The following UTRN variants were observed in gnomAD, a reference collection of about 807,000 sequenced individuals.
UTRN encodes the protein dystrophin-related protein 1.
A neutral mutation model predicts 463.9 loss-of-function variants in UTRN; 283 were observed. The ratio of observed to expected loss-of-function variants is 0.61; its 90% CI spans 0.55 to 0.67. The LOEUF (loss-of-function observed/expected upper bound fraction) is 0.67. Ranked by LOEUF, UTRN falls within the 30% of genes least tolerant of loss-of-function variation. The pLI, the probability that UTRN is intolerant of heterozygous loss-of-function variation, is 0.00. For synonymous variants in UTRN, 1,442 were observed against 1,431.5 expected (o/e 1.01, Z -0.17); for missense variants, 3,922 against 4,084.3 (o/e 0.96, Z 1.08).
chr6:144,846,651 G>GT (rs527785991), intron 73 of UTRN, among the ~76,000 whole-genome samples, 154 bp from the exon 74 acceptor site: 59 of 151,598 alleles, frequency 3.9e-4, no homozygotes, highest in Non-Finnish European at 6.9e-4. Flanking sequence ...AAAAAAAAAT[G>GT]TGTTTCTTGT....
chr6:144,406,360 T>C (rs200378350), intron 3 of UTRN, among the ~76,000 whole-genome samples: 49 of 22,786 alleles, frequency 2.2e-3, no homozygotes, highest in East Asian at 0.021. Context: ...TCTTTTCTTT[T>C]TTTTTTTTTT....
intron 37 of UTRN, among the ~76,000 whole-genome samples, chr6:144,515,926 G>A (rs1795572333): frequency 6.6e-6 from 1 of 152,140 alleles, no homozygotes; most frequent in Admixed American, 6.5e-5. Flanking sequence ...CTGGATCATG[G>A]CCATAGTTTC....
intron 54 of UTRN, among the ~76,000 whole-genome samples, chr6:144,745,873 C>T (rs1334462728): frequency 1.3e-5 from 2 of 151,978 alleles, no homozygotes; most frequent in African/African-American, 2.4e-5. Context: ...TTAACAAACA[C>T]AGGTGTTTAA....
chr6:144,456,816 G>A (rs184178330), intron 19 of UTRN, among the ~76,000 whole-genome samples: 11 of 152,162 alleles, frequency 7.2e-5, no homozygotes, highest in Non-Finnish European at 1.5e-4. Flanking sequence ...TGGGCATCTG[G>A]ATAATGTGGC....
intron 51 of UTRN, among the ~76,000 whole-genome samples, chr6:144,635,505 T>G (rs1383051179): frequency 1.6e-5 from 1 of 60,716 alleles, no homozygotes; most frequent in African/African-American, 6.5e-5. Context: ...GCAGCTAGCC[T>G]TTTTTTTTCT....
At position 144,638,096 on chromosome 6, in the gene UTRN, TGTTA is replaced by T. The variant is rs1777373681; in HGVS notation, c.7480-40302_7480-40299del. ...ATTTAGGAAATTTTCTTTTCCAACA[TGTTA>T]GTTAGTTCTGAAATACCCCAAATGG... On this transcript the variant is annotated intron_variant, in intron 51 of 74. Transcript: ENST00000367545. 2.6e-5 allele frequency among the ~76,000 whole-genome samples: 4 copies of T among 152,320 alleles called. No individual in the cohort carries two copies. The South Asian group carries it at 8.3e-4, about 32-fold the overall frequency.
At chr6:144,455,942 T>C (rs550866951) in intron 19 of UTRN, among the ~76,000 whole-genome samples, 12 of 152,214 alleles carry the variant, frequency 7.9e-5, no homozygotes, top group Non-Finnish European at 1.6e-4. Flanking sequence ...CACTGGAGAA[T>C]AGTTGACATG....
intron 51 of UTRN, among the ~76,000 whole-genome samples, chr6:144,593,081 G>T (rs2128632723): frequency 6.6e-6 from 1 of 152,302 alleles, no homozygotes; most frequent in East Asian, 1.9e-4. Flanking sequence ...GGAGTAGATA[G>T]AATTTTAGTA....
intron 19 of UTRN, among the ~76,000 whole-genome samples, chr6:144,456,420 C>T (rs1204624856): frequency 3.3e-5 from 5 of 151,804 alleles, no homozygotes; most frequent in Non-Finnish European, 7.4e-5. Context: ...TTTGGGAGGC[C>T]GAGGTGGGTG....
chr6:144,289,991 TTCTG>T (rs1364860532), intron 1 of UTRN, among the ~76,000 whole-genome samples: 1 of 152,194 alleles, frequency 6.6e-6, no homozygotes, highest in Non-Finnish European at 1.5e-5. Context: ...TACTGCATTT[TTCTG>T]TCTGTCTGTG....
rs973427604 is a variant in UTRN, at chr6:144,557,238, G to C, written c.7216G>C (p.Gly2406Arg). 6.2e-7 allele frequency: 1 copy of C among 1,613,846 alleles called. No homozygotes were observed. The change falls in exon 50 of 75, where the codon GGG becomes CGG. Residue 2406 changes from glycine (G) to arginine (R), a missense_variant. Physicochemically the swap from Gly to Arg is moderately radical, Grantham distance 125. Coordinates refer to ENST00000367545, the MANE Select transcript of UTRN (RefSeq NM_007124.3). Reference sequence around the variant, plus strand: ...CCTGCAGAAACTCCTGGAGGAATATGGGAGTGATGACACAAGGAATGTGAA... The same window carrying C: ...CCTGCAGAAACTCCTGGAGGAATATCGGAGTGATGACACAAGGAATGTGAA... The part of the protein sequence containing the change: ...NVLQKLLEEY[G>R]SDDTRNVKET...
At chr6:144,778,452 C>G (rs1228034201) in intron 60 of UTRN, among the ~76,000 whole-genome samples, 2 of 151,854 alleles carry the variant, frequency 1.3e-5, no homozygotes, top group Non-Finnish European at 2.9e-5. Flanking sequence ...GGCAGGAGAT[C>G]AGCAGGAGAA....
chr6:144,337,183 ACACACACACAC>A (rs1776791798), intron 2 of UTRN, among the ~76,000 whole-genome samples: 4 of 123,938 alleles, frequency 3.2e-5, no homozygotes, highest in African/African-American at 1.8e-4. Context: ...ACACAGACAC[ACACACACACAC>A]CACACACACA....
intron 25 of UTRN, among the ~76,000 whole-genome samples, chr6:144,477,870 T>C (rs1013175604): frequency 3.2e-5 from 1 of 31,106 alleles, no homozygotes; most frequent in Non-Finnish European, 6.1e-5. Context: ...AGTTTGTATC[T>C]CTATCTATCT....
At chr6:144,413,735 A>G (rs1784118330) in intron 3 of UTRN, among the ~76,000 whole-genome samples, 1 of 152,198 alleles carries the variant, frequency 6.6e-6, no homozygotes, top group Non-Finnish European at 1.5e-5. Context: ...TACAGTACAT[A>G]ATACTTGGTA....
At chr6:144,428,940 T>C (rs750181003) in intron 8 of UTRN, 47 bp downstream of exon 8, 5 of 1,279,780 alleles carry the variant, frequency 3.9e-6, no homozygotes, top group Non-Finnish European at 2.2e-6. Context: ...TTTACAGTTT[T>C]GCATTCTTGA....
chr6:144,435,934 G>T lies in UTRN; in HGVS notation c.856-1G>T. The T allele has an allele frequency of 3.7e-6, 6 of 1,613,538 alleles. No homozygotes were observed. The highest frequency in any genetic ancestry group is 5.1e-6 in the Non-Finnish European group (6 of 1,179,976). On this transcript the variant is annotated splice_acceptor_variant, in intron 9 of 74. Transcript: ENST00000367545. LOFTEE classifies it high-confidence loss of function. ...GGTTTTTCTTGGCTTTGTTTTTACA[G>T]AGTACAGCGCCTGAGGAGGAGCATG... is the stretch of plus-strand genomic sequence containing the variant.
chr6:144,405,017 T>C (rs1435111384), intron 3 of UTRN, among the ~76,000 whole-genome samples: 2 of 152,228 alleles, frequency 1.3e-5, no homozygotes, highest in Non-Finnish European at 2.9e-5. Context: ...CTTACCAAGA[T>C]ACTGGAAAAG....
intron 54 of UTRN, among the ~76,000 whole-genome samples, 198 bp from the exon 55 acceptor site, chr6:144,748,048 T>C (rs887227599): frequency 6.6e-6 from 1 of 152,176 alleles, no homozygotes; most frequent in Non-Finnish European, 1.5e-5. Context: ...TCCTTTTGAG[T>C]GTGTGATTAA....
Sources: allele counts gnomAD v4.1 joint callset (sites outside exome capture counted in the v4.1 genomes callset), GRCh38; gene constraint gnomAD v4.1.1; transcripts MANE v1.5; gene names NCBI Gene and HGNC (gene_info 2026-07-23, HGNC 2026-07-21).